Variants in FSHR observed in about 807,000 individuals in gnomAD.
FSHR encodes follicle-stimulating hormone receptor.
A neutral mutation model predicts 52.1 loss-of-function variants in FSHR; 46 were observed. The observed-to-expected ratio is 0.88, with a 90% CI of 0.70 to 1.13. FSHR has a LOEUF of 1.13. FSHR is among the 50% of genes most tolerant of loss of function. FSHR has a pLI of 0.00. For synonymous variants in FSHR, 399 were observed against 309.6 expected, an observed-to-expected ratio of 1.29 and a Z score of -3.03; for missense variants, 964 against 834.6, an observed-to-expected ratio of 1.16 and a Z score of -1.91.
intron 1 of FSHR, among the ~76,000 whole-genome samples, chr2:49,144,684 A>C (rs1199432429): frequency 1.3e-5 from 2 of 152,166 alleles, no homozygotes; most frequent in Non-Finnish European, 2.9e-5. Flanking sequence ...CCCACAAAAC[A>C]AACAGCAATT....
intron 2 of FSHR, among the ~76,000 whole-genome samples, chr2:49,034,915 A>G (rs1283135502): frequency 6.6e-6 from 1 of 152,174 alleles, no homozygotes; most frequent in African/African-American, 2.4e-5. Context: ...ATGGTATTTG[A>G]AGGTGGAATT....
At chr2:49,026,407 T>C (rs1200390402) in intron 2 of FSHR, among the ~76,000 whole-genome samples, 1 of 152,196 alleles carries the variant, frequency 6.6e-6, no homozygotes, top group Non-Finnish European at 1.5e-5. Context: ...CTGCTTCACA[T>C]TTATTAGGTT....
intron 4 of FSHR, among the ~76,000 whole-genome samples, chr2:49,007,527 T>A (rs966427971): frequency 1.3e-4 from 20 of 152,258 alleles, no homozygotes; most frequent in Admixed American, 2.6e-4. Flanking sequence ...GGTTGAGAAC[T>A]TTTAGAATTG....
chr2:49,015,821 G>A (rs1558391144), intron 4 of FSHR, among the ~76,000 whole-genome samples: 1 of 152,128 alleles, frequency 6.6e-6, no homozygotes, highest in South Asian at 2.1e-4. Context: ...AGAGCCTCTT[G>A]TTTAAGCATT....
intron 4 of FSHR, 112 bp downstream of exon 4, chr2:49,017,377 C>A: frequency 1.3e-6 from 1 of 793,212 alleles, no homozygotes; most frequent in Non-Finnish European, 2.1e-6. Context: ...TGCCCCCCAC[C>A]ACCATCCTTG....
chr2:49,060,670 A>G (rs1669253263), intron 2 of FSHR, among the ~76,000 whole-genome samples: 1 of 152,226 alleles, frequency 6.6e-6, no homozygotes, highest in Admixed American at 6.5e-5. Context: ...CCGCCCAGGC[A>G]AGAGAGAAGT....
chr2:49,060,785 C>T (rs1432730505), intron 2 of FSHR, among the ~76,000 whole-genome samples: 1 of 152,158 alleles, frequency 6.6e-6, no homozygotes, highest in Non-Finnish European at 1.5e-5. Context: ...ACCTCTCTCC[C>T]TGGGGAGTGC....
chr2:49,110,120 A>G (rs535287399), intron 1 of FSHR, among the ~76,000 whole-genome samples: 176 of 152,272 alleles, frequency 1.2e-3, no homozygotes, highest in African/African-American at 4.2e-3. Context: ...TGCCCTTCAT[A>G]TTTAATATGT....
At chr2:49,047,117 A>C (rs867643229) in intron 2 of FSHR, among the ~76,000 whole-genome samples, 1 of 152,162 alleles carries the variant, frequency 6.6e-6, no homozygotes, top group East Asian at 1.9e-4. Context: ...AACTTACTCT[A>C]TATGTAGGAT....
chr2:48,987,344 C>G (rs551465953), intron 6 of FSHR, among the ~76,000 whole-genome samples: 108 of 152,108 alleles, frequency 7.1e-4, no homozygotes, highest in Middle Eastern at 6.8e-3. Context: ...GAGGGGATTA[C>G]AGATGCCTGC....
In FSHR at chr2:49,056,628, G is replaced by A. The variant is rs78596854; in HGVS notation, c.224+11591C>T. Among the ~76,000 whole-genome samples, 16 of 151,932 alleles carry A rather than the reference G, an allele frequency of 1.1e-4. 1 individual carries two copies. The East Asian group carries it at 3.1e-3, about 29-fold the overall frequency. On this transcript the variant is annotated intron_variant, in intron 2 of 9. Coordinates refer to ENST00000406846, the MANE Select transcript of FSHR (RefSeq NM_000145.4). The stretch of plus-strand genomic sequence containing the variant: ...ATTGTTTAGAGTGAAAATCAACAAA[G>A]AAACATTGGATTTAAACTGCACCAC...
chr2:49,122,760 G>A (rs1482221622), intron 1 of FSHR, among the ~76,000 whole-genome samples: 3 of 152,160 alleles, frequency 2.0e-5, no homozygotes, highest in African/African-American at 7.2e-5. Context: ...AGTCCCTCCT[G>A]GTGAAGAGGG....
intron 1 of FSHR, among the ~76,000 whole-genome samples, chr2:49,119,622 C>A (rs1450014064): frequency 6.6e-6 from 1 of 151,974 alleles, no homozygotes; most frequent in Admixed American, 6.6e-5. Context: ...GATTTTTGTA[C>A]CAATATTATA....
In FSHR at chr2:48,990,574, T is replaced by A. The variant is rs1295299288; in HGVS notation, c.438A>T (p.Lys146Asn). ...PDVHKIHSLQ[K>N]VLLDIQDNIN... Reference sequence around the variant, plus strand: ...TCAAGGAAAAAACTTACAGTAAAACTTTTTGGAGAGAATGAATCTTGTGAA... The same window carrying A: ...TCAAGGAAAAAACTTACAGTAAAACATTTTGGAGAGAATGAATCTTGTGAA... The change falls in exon 5 of 10, where the codon AAA becomes AAT. Residue 146 changes from lysine (K) to asparagine (N), a missense_variant. Physicochemically the swap from Lys to Asn is moderately conservative, Grantham distance 94. Transcript: ENST00000406846. 1.9e-6 allele frequency: 3 copies of A among 1,609,268 alleles called. No individual in the cohort carries two copies. Among genetic ancestry groups the A allele is most frequent in the Admixed American group, 1.7e-5 (1 of 60,014 alleles).
At chr2:48,980,921 G>T (rs911942786) in intron 8 of FSHR, among the ~76,000 whole-genome samples, 1 of 152,118 alleles carries the variant, frequency 6.6e-6, no homozygotes, top group African/African-American at 2.4e-5. Context: ...CCTGGTACAG[G>T]TCACATATAT....
intron 1 of FSHR, among the ~76,000 whole-genome samples, chr2:49,096,933 G>A (rs1394132913): frequency 1.3e-5 from 2 of 152,116 alleles, no homozygotes; most frequent in East Asian, 3.9e-4. Flanking sequence ...TTTACCTTCT[G>A]CCATGATTAT....
At chr2:49,074,805 T>C (rs1669886281) in intron 1 of FSHR, among the ~76,000 whole-genome samples, 1 of 152,062 alleles carries the variant, frequency 6.6e-6, no homozygotes, top group South Asian at 2.1e-4. Flanking sequence ...ATAAAGCAAA[T>C]GCGGTATATA....
At chr2:49,065,746 G>A (rs4971623) in intron 2 of FSHR, among the ~76,000 whole-genome samples, 15,029 of 151,858 alleles carry the variant, frequency 0.099, 1,168 homozygotes, top group East Asian at 0.21. Flanking sequence ...TTCAAGGGTG[G>A]AGCTAGAAGA....
chr2:49,009,349 T>A (rs994915049), intron 4 of FSHR, among the ~76,000 whole-genome samples: 1 of 152,038 alleles, frequency 6.6e-6, no homozygotes, highest in Non-Finnish European at 1.5e-5. Flanking sequence ...ATATGCAGCG[T>A]TATTTCTGAG....
Sources: gnomAD v4.1 joint callset for allele counts (sites outside exome capture counted in the v4.1 genomes callset) on GRCh38, gnomAD v4.1.1 for gene constraint, MANE v1.5 for transcripts, NCBI Gene and HGNC (gene_info 2026-07-23, HGNC 2026-07-21) for gene names.